The following PHF24 variants were observed in gnomAD, a reference collection of about 807,000 sequenced individuals.
The protein encoded by PHF24 is PHD finger protein 24, also known as Galpha inhibitory interacting protein.
In PHF24, 25 loss-of-function variants were observed where a neutral mutation model predicts 42.6. The observed-to-expected ratio is 0.59, with a 90% CI of 0.43 to 0.82. The LOEUF (loss-of-function observed/expected upper bound fraction) is 0.82. Among genes scored for constraint, PHF24 ranks in the 40% least tolerant of loss-of-function variants. PHF24 has a pLI of 0.00. For synonymous variants in PHF24, 185 were observed against 204.8 expected, an observed-to-expected ratio of 0.90 and a Z score of 0.83; for missense variants, 470 against 538.1, an observed-to-expected ratio of 0.87 and a Z score of 1.25.
chr9:34,713,054 A>G, the PHF24 span, among the ~76,000 whole-genome samples: 1 of 152,138 alleles, frequency 6.6e-6, no homozygotes, highest in East Asian at 1.9e-4. Flanking sequence ...CTAGAAATTC[A>G]ATTTTTTCAC....
At chr9:34,782,080 A>G in the PHF24 span, among the ~76,000 whole-genome samples, 2 of 152,190 alleles carry the variant, frequency 1.3e-5, no homozygotes, top group South Asian at 4.1e-4. Context: ...TTTCCTGAAG[A>G]AGGAGGAATG....
chr9:34,687,327 T>C, the PHF24 span, among the ~76,000 whole-genome samples: 1 of 152,152 alleles, frequency 6.6e-6, no homozygotes, highest in Non-Finnish European at 1.5e-5. Flanking sequence ...TGCAAGACTT[T>C]GTGGGGTGTC....
At chr9:34,766,366 A>G in the PHF24 span, among the ~76,000 whole-genome samples, 1 of 152,312 alleles carries the variant, frequency 6.6e-6, no homozygotes, top group African/African-American at 2.4e-5. Context: ...GTCTTTTCAC[A>G]TAGTCCCATA....
At chr9:34,690,091 C>G in the PHF24 span, 3 of 1,590,826 alleles carry the variant, frequency 1.9e-6, no homozygotes, top group Admixed American at 3.4e-5. Context: ...GTCTGGGAAC[C>G]TGTTTCAGGG....
the PHF24 span, among the ~76,000 whole-genome samples, chr9:34,849,842 A>G: frequency 1.3e-5 from 2 of 151,978 alleles, no homozygotes; most frequent in African/African-American, 4.8e-5. Flanking sequence ...AAAGTATTTT[A>G]TTTCTCCTTC....
the PHF24 span, among the ~76,000 whole-genome samples, chr9:34,813,882 C>T: frequency 2.0e-5 from 3 of 151,494 alleles, no homozygotes; most frequent in African/African-American, 4.8e-5. Context: ...TGTTAGAGAC[C>T]GTCCCCACCA....
At chr9:34,709,838 T>G in the PHF24 span, 1 of 1,614,104 alleles carries the variant, frequency 6.2e-7, no homozygotes, top group East Asian at 2.2e-5. Context: ...CGGACAACCT[T>G]GGCGGGAATC....
the PHF24 span, among the ~76,000 whole-genome samples, chr9:34,851,904 T>C: frequency 2.4e-4 from 36 of 152,346 alleles, no homozygotes; most frequent in East Asian, 6.2e-3. Context: ...CATACCACCA[T>C]TATAGTGTTA....
chr9:34,838,737 G>A, the PHF24 span, among the ~76,000 whole-genome samples: 21 of 152,200 alleles, frequency 1.4e-4, no homozygotes, highest in Non-Finnish European at 2.2e-4. Context: ...CACAAGCAGT[G>A]TCTATTTCCT....
At chr9:34,930,338 A>T in the PHF24 span, among the ~76,000 whole-genome samples, 1 of 152,196 alleles carries the variant, frequency 6.6e-6, no homozygotes, top group African/African-American at 2.4e-5. Context: ...GAAATGATTT[A>T]TCTCCTGAAA....
At chr9:34,822,251 T>G in the PHF24 span, among the ~76,000 whole-genome samples, 1 of 152,218 alleles carries the variant, frequency 6.6e-6, no homozygotes, top group South Asian at 2.1e-4. Flanking sequence ...TTGGTGTATA[T>G]CCAGATTACT....
At chr9:34,828,206 A>G in the PHF24 span, among the ~76,000 whole-genome samples, 6 of 151,836 alleles carry the variant, frequency 4.0e-5, no homozygotes, top group East Asian at 1.2e-3. Flanking sequence ...TGTAAAAGAA[A>G]CCTTTTTCTT....
chr9:34,910,673 A>G, the PHF24 span, among the ~76,000 whole-genome samples: 1 of 152,232 alleles, frequency 6.6e-6, no homozygotes, highest in African/African-American at 2.4e-5. Context: ...GTATTTACAT[A>G]GTAGTCTATG....
At chr9:34,740,372 C>A in the PHF24 span, among the ~76,000 whole-genome samples, 1 of 152,258 alleles carries the variant, frequency 6.6e-6, no homozygotes, top group Non-Finnish European at 1.5e-5. Flanking sequence ...AGGTCCTGAG[C>A]CCTGCCCTGC....
At chr9:34,815,195 G>A in the PHF24 span, among the ~76,000 whole-genome samples, 12 of 152,220 alleles carry the variant, frequency 7.9e-5, no homozygotes, top group Admixed American at 2.0e-4. Flanking sequence ...AAGGGCATTA[G>A]CCTAATTGGT....
chr9:34,779,523 G>A, the PHF24 span, among the ~76,000 whole-genome samples: 2 of 152,124 alleles, frequency 1.3e-5, no homozygotes, highest in African/African-American at 4.8e-5. Flanking sequence ...CTAAAATTTA[G>A]ATGAAATTTT....
At chr9:34,881,385 C>A in the PHF24 span, among the ~76,000 whole-genome samples, 2 of 151,916 alleles carry the variant, frequency 1.3e-5, no homozygotes, top group Non-Finnish European at 2.9e-5. Flanking sequence ...GAGATAGAGA[C>A]ACAAAAAACC....
At chr9:34,690,447 T>TGC in the PHF24 span, 1 of 942,200 alleles carries the variant, frequency 1.1e-6, no homozygotes, top group Non-Finnish European at 1.6e-6. Flanking sequence ...TGTGTGTGTG[T>TGC]GTGTGTGTGT....
the PHF24 span, among the ~76,000 whole-genome samples, chr9:34,727,182 G>A: frequency 3.3e-5 from 5 of 152,244 alleles, no homozygotes; most frequent in East Asian, 1.9e-4. Context: ...CTGATGGTCT[G>A]GAGCTTGTTG....
Sources: gnomAD v4.1 joint callset for allele counts (sites outside exome capture counted in the v4.1 genomes callset) on GRCh38, gnomAD v4.1.1 for gene constraint, MANE v1.5 for transcripts, NCBI Gene and HGNC (gene_info 2026-07-23, HGNC 2026-07-21) for gene names.